The following ADAMTSL1 variants were observed in gnomAD, a reference collection of about 807,000 sequenced individuals.
The protein encoded by ADAMTSL1 is ADAMTS-like protein 1.
A neutral mutation model predicts 201.8 loss-of-function variants in ADAMTSL1; 126 were observed. The observed-to-expected ratio is 0.62, with a 90% CI of 0.54 to 0.72. The LOEUF (loss-of-function observed/expected upper bound fraction) is 0.72, where lower values mean the gene tolerates loss of function less well. ADAMTSL1 is among the 30% of genes least tolerant of loss of function. The pLI, the probability that ADAMTSL1 is intolerant of heterozygous loss-of-function variation, is 0.00. For missense variants in ADAMTSL1, 2,679 were observed against 2,277.8 expected, an observed-to-expected ratio of 1.18 and a Z score of -3.59; for synonymous variants, 1,121 against 903.4, an observed-to-expected ratio of 1.24 and a Z score of -4.32.
chr9:18,310,447 G>T (rs546559836), intron 2 of ADAMTSL1, among the ~76,000 whole-genome samples: 4 of 133,310 alleles, frequency 3.0e-5, no homozygotes, highest in Admixed American at 2.4e-4. Context: ...GAAAAATTTT[G>T]CAATCTATCC....
intron 14 of ADAMTSL1, among the ~76,000 whole-genome samples, chr9:18,710,033 C>T (rs568451959): frequency 1.5e-4 from 23 of 152,330 alleles, no homozygotes; most frequent in Non-Finnish European, 3.1e-4. Context: ...AGAGCACAAA[C>T]TTGATGAGCT....
intron 2 of ADAMTSL1, among the ~76,000 whole-genome samples, chr9:18,336,656 A>G (rs1041146063): frequency 6.6e-6 from 1 of 152,176 alleles, no homozygotes; most frequent in African/African-American, 2.4e-5. Flanking sequence ...GGTTACAAAA[A>G]GTAAAAGGAA....
intron 20 of ADAMTSL1, among the ~76,000 whole-genome samples, chr9:18,807,377 G>T (rs1244667796): frequency 1.3e-5 from 2 of 152,226 alleles, no homozygotes; most frequent in African/African-American, 4.8e-5. Context: ...GGGCGCGGTA[G>T]CTCACGCCTG....
intron 2 of ADAMTSL1, among the ~76,000 whole-genome samples, chr9:18,242,912 C>T (rs1783716895): frequency 6.6e-6 from 1 of 152,076 alleles, no homozygotes; most frequent in African/African-American, 2.4e-5. Context: ...TTAAAACACC[C>T]ATACTACCCA....
chr9:18,751,534 C>G (rs939350200), intron 15 of ADAMTSL1, among the ~76,000 whole-genome samples: 6 of 152,120 alleles, frequency 3.9e-5, no homozygotes, highest in Non-Finnish European at 5.9e-5. Flanking sequence ...TTAAGGTGCC[C>G]TCTATGATGG....
rs111832841 is a variant in ADAMTSL1 at position 18,254,565 on chromosome 9, A to G, written c.207+90584A>G. On this transcript the variant is annotated intron_variant, in intron 2 of 29. Transcript: ENST00000680146. ...TTTTTAGTAAAGACGGGGTTTCACCATGTTAGCCAGGATGGTCTCGATCTC... is the reference window on the plus strand; with the variant it reads ...TTTTTAGTAAAGACGGGGTTTCACCGTGTTAGCCAGGATGGTCTCGATCTC... Among the ~76,000 whole-genome samples, 388 of 151,222 alleles carry G rather than the reference A, an allele frequency of 2.6e-3. 1 individual carries two copies. The highest frequency in any genetic ancestry group is 0.01 in the Middle Eastern group (3 of 294).
intron 23 of ADAMTSL1, among the ~76,000 whole-genome samples, chr9:18,866,060 G>T (rs944895899): frequency 7.2e-6 from 1 of 139,844 alleles, no homozygotes; most frequent in South Asian, 2.3e-4. Context: ...TTATTAGCAC[G>T]TGTTTTTTGG....
chr9:18,525,871 G>T (rs752268949), intron 2 of ADAMTSL1, among the ~76,000 whole-genome samples: 18 of 152,154 alleles, frequency 1.2e-4, no homozygotes, highest in East Asian at 3.9e-4. Flanking sequence ...CAACAATGTG[G>T]TCAATTTTGG....
At chr9:18,039,934 C>T (rs953741273) in intron 1 of ADAMTSL1, among the ~76,000 whole-genome samples, 6 of 152,128 alleles carry the variant, frequency 3.9e-5, no homozygotes, top group African/African-American at 9.7e-5. Context: ...GGCAGTTTTC[C>T]TCTTTAGACA....
At chr9:18,755,427 G>A (rs1304491072) in intron 16 of ADAMTSL1, among the ~76,000 whole-genome samples, 1 of 152,190 alleles carries the variant, frequency 6.6e-6, no homozygotes, top group African/African-American at 2.4e-5. Flanking sequence ...AATAGATGAA[G>A]AATGCTCCTT....
chr9:17,947,926 C>G (rs1487132619), intron 1 of ADAMTSL1, among the ~76,000 whole-genome samples: 1 of 152,124 alleles, frequency 6.6e-6, no homozygotes. Context: ...TCTTCAGGCA[C>G]CATCTTCCAA....
chr9:18,160,847 A>ATTTTT (rs35532729), intron 1 of ADAMTSL1, among the ~76,000 whole-genome samples: 1 of 119,284 alleles, frequency 8.4e-6, no homozygotes, highest in African/African-American at 3.1e-5. Context: ...ACCTGGCTAA[A>ATTTTT]TTTTTTTTTT....
chr9:18,679,948 T>A (rs905044605), intron 10 of ADAMTSL1, among the ~76,000 whole-genome samples: 3 of 152,222 alleles, frequency 2.0e-5, no homozygotes, highest in South Asian at 2.1e-4. Context: ...GATGGATACT[T>A]AATGAGTTTA....
intron 1 of ADAMTSL1, among the ~76,000 whole-genome samples, chr9:17,980,444 C>A (rs899126337): frequency 2.6e-5 from 4 of 151,942 alleles, no homozygotes; most frequent in African/African-American, 9.7e-5. Context: ...CCAAACATGG[C>A]CACTGGGTTT....
At chr9:17,972,704 G>A (rs1264925345) in intron 1 of ADAMTSL1, among the ~76,000 whole-genome samples, 1 of 150,802 alleles carries the variant, frequency 6.6e-6, no homozygotes, top group African/African-American at 2.4e-5. Context: ...GGGTCAAATG[G>A]TATTTCTAGT....
intron 2 of ADAMTSL1, among the ~76,000 whole-genome samples, chr9:18,218,160 G>A (rs547011422): frequency 5.9e-5 from 9 of 152,276 alleles, no homozygotes; most frequent in African/African-American, 1.9e-4. Flanking sequence ...AGTCATCTAC[G>A]ATCAAATAGA....
At chr9:18,198,584 G>A (rs1294148052) in intron 2 of ADAMTSL1, among the ~76,000 whole-genome samples, 1 of 144,294 alleles carries the variant, frequency 6.9e-6, no homozygotes. Flanking sequence ...AGTTAGAATG[G>A]CAGTCATTAA....
At chr9:18,560,696 G>A (rs991893169) in intron 3 of ADAMTSL1, among the ~76,000 whole-genome samples, 4 of 151,836 alleles carry the variant, frequency 2.6e-5, no homozygotes, top group African/African-American at 2.4e-5. Flanking sequence ...CTTGTTATTG[G>A]TCTATTCAGG....
At chr9:18,135,276 T>A (rs7043498) in intron 1 of ADAMTSL1, among the ~76,000 whole-genome samples, 2,020 of 152,284 alleles carry the variant, frequency 0.013, 40 homozygotes, top group African/African-American at 0.047. Flanking sequence ...GTACTATGCA[T>A]TCATATCAAG....
Sources: gnomAD v4.1 joint callset for allele counts (sites outside exome capture counted in the v4.1 genomes callset) on GRCh38, gnomAD v4.1.1 for gene constraint, MANE v1.5 for transcripts, NCBI Gene and HGNC (gene_info 2026-07-23, HGNC 2026-07-21) for gene names.